Variants in GPR65 observed in about 807,000 individuals in gnomAD.
GPR65 encodes the protein G protein-coupled receptor 65, also known as T-cell death-associated gene 8 protein.
A neutral mutation model predicts 0.7 loss-of-function variants in GPR65; 2 were observed. The ratio of observed to expected loss-of-function variants is 2.83; its 90% CI spans 1.16 to 8.92. The LOEUF is 8.92. Ranked by LOEUF, GPR65 falls within the 30% of genes most tolerant of loss-of-function variation. GPR65 has a pLI of 0.04. For missense variants in GPR65, 379 were observed against 399.4 expected, an observed-to-expected ratio of 0.95 and a Z score of 0.43; for synonymous variants, 128 against 146.5, an observed-to-expected ratio of 0.87 and a Z score of 0.91.
At position 88,011,646 on chromosome 14, in the gene GPR65, C is replaced by T. The variant is rs749552917; in HGVS notation, c.799C>T (p.Arg267Ter). 3.1e-6 allele frequency: 5 copies of T among 1,613,528 alleles called. No homozygotes were observed. The South Asian group carries it at 3.3e-5, about 11-fold the overall frequency. The change falls in exon 2 of 2, where the codon CGA becomes TGA. Residue 267 changes from arginine (R) to a stop codon, truncating the protein, a stop_gained. Transcript: ENST00000267549. LOFTEE classifies it low-confidence loss of function (END_TRUNC). Reference protein sequence around the residue: ...NFEDHSNSGKRTYTMYRITVA... With the variant: ...NFEDHSNSGK ...CGAAGACCACAGCAATTCTGGGAAG[C>T]GAACTTACACAATGTATAGAATCAC...
At chr14:88,007,923 G>A (rs1264083889) in intron 1 of GPR65, among the ~76,000 whole-genome samples, 1 of 151,672 alleles carries the variant, frequency 6.6e-6, no homozygotes, top group African/African-American at 2.4e-5. Context: ...TCTTCCAGGA[G>A]CCTAGAATTT....
chr14:88,011,180 T>G lies in GPR65; in HGVS notation c.333T>G (p.Asp111Glu). 1.2e-6 allele frequency: 2 copies of G among 1,613,836 alleles called. No homozygotes were observed. The highest frequency in any genetic ancestry group is 8.5e-7 in the Non-Finnish European group (1 of 1,179,884). Residue 111 changes from aspartate (D) to glutamate (E), a missense_variant, in exon 2 of 2, where the codon GAT becomes GAG. Physicochemically the swap from Asp to Glu is conservative, Grantham distance 45. Coordinates refer to ENST00000267549, the MANE Select transcript of GPR65 (RefSeq NM_003608.4). ...CATTCCTCACCTGCATTGCCGTTGA[T>G]CGGTATTTGGCTGTTGTCTACCCTT... The part of the protein sequence containing the change: ...STAFLTCIAV[D>E]RYLAVVYPLK...
chr14:88,011,606 G>T lies in GPR65; in HGVS notation c.759G>T (p.Glu253Asp), dbSNP rs1887683023. ...HVMLLIRCIL[E>D]HAVNFEDHSN... is the part of the protein sequence containing the mutation. Reference sequence around the variant, plus strand: ...TGTTGCTGATTCGCTGCATTTTAGAGCATGCTGTGAACTTCGAAGACCACA... The same window carrying T: ...TGTTGCTGATTCGCTGCATTTTAGATCATGCTGTGAACTTCGAAGACCACA... Residue 253 changes from glutamate to aspartate, a missense_variant, in exon 2 of 2, where the codon GAG becomes GAT. Glu to Asp is a conservative substitution (Grantham distance 45, BLOSUM62 2). Transcript: ENST00000267549. The T allele has an allele frequency of 6.2e-7, 1 of 1,613,942 alleles. No individual in the cohort carries two copies. The highest frequency in any genetic ancestry group is 1.1e-5 in the South Asian group (1 of 91,074).
Position 88,014,048 on chromosome 14 carries a change from T to C in GPR65, c.*2187T>C, listed in dbSNP as rs1887729633. 3 of 152,150 alleles carry C rather than the reference T, an allele frequency of 2.0e-5. No individual in the cohort carries two copies. The highest frequency in any genetic ancestry group is 4.4e-5 in the Non-Finnish European group (3 of 68,030). The allele number at this position is 152,150 out of a possible 1,614,324, so 9.4% of individuals were successfully genotyped here. A position where few individuals can be genotyped will look rare whatever the true frequency, so the allele number is the denominator to read the frequency against. Reference sequence around the variant, plus strand: ...TGTCAACCAAGAAACAAGAAGTCCCTCCCAGGAACTGGAAATGAATGGGGA... The same window carrying C: ...TGTCAACCAAGAAACAAGAAGTCCCCCCCAGGAACTGGAAATGAATGGGGA... On this transcript the variant is annotated 3_prime_UTR_variant, in exon 2 of 2. Transcript: ENST00000267549.
chr14:88,011,518 T>C lies in GPR65; in HGVS notation c.671T>C (p.Ile224Thr). The C allele has an allele frequency of 6.2e-7, 1 of 1,613,752 alleles. No individual in the cohort carries two copies. The highest frequency in any genetic ancestry group is 2.2e-5 in the East Asian group (1 of 44,884). Residue 224 changes from isoleucine to threonine, a missense_variant, in exon 2 of 2, where the codon ATC (isoleucine) becomes ACC (threonine). By Grantham distance (89) the Ile-to-Thr change is moderately conservative. Transcript: ENST00000267549. Reference protein sequence around the residue: ...KATENKEKKRIIKLLVSITVT... With the variant: ...KATENKEKKRTIKLLVSITVT... ...ACGGAAAACAAGGAAAAGAAGAGAATCATAAAACTACTTGTCAGCATCACA... is the reference window on the plus strand; with the variant it reads ...ACGGAAAACAAGGAAAAGAAGAGAACCATAAAACTACTTGTCAGCATCACA...
rs1887667489 is a variant in GPR65, at chr14:88,010,933, T to G, written c.86T>G (p.Ile29Ser). Reference sequence around the variant, plus strand: ...TACATCTTTGTGATTATAGTCAGCATTCCAGCCAATATTGGATCTCTGTGT... The same window carrying G: ...TACATCTTTGTGATTATAGTCAGCAGTCCAGCCAATATTGGATCTCTGTGT... ...IVYIFVIIVS[I>S]PANIGSLCVS... is the part of the protein sequence containing the mutation. The change falls in exon 2 of 2, where the codon ATT (isoleucine) becomes AGT (serine). Residue 29 changes from isoleucine to serine, a missense_variant. By Grantham distance (142) the Ile-to-Ser change is moderately radical. Coordinates refer to ENST00000267549, the MANE Select transcript of GPR65 (RefSeq NM_003608.4). 1.9e-6 allele frequency: 3 copies of G among 1,612,256 alleles called. No homozygotes were observed. The highest frequency in any genetic ancestry group is 2.5e-6 in the Non-Finnish European group (3 of 1,178,440).
At chr14:88,009,561 T>C (rs948148440) in intron 1 of GPR65, among the ~76,000 whole-genome samples, 3 of 152,092 alleles carry the variant, frequency 2.0e-5, no homozygotes, top group Non-Finnish European at 4.4e-5. Flanking sequence ...TCTGTGAAGG[T>C]ATTCACCATG....
chr14:88,009,789 T>C (rs1278265579), intron 1 of GPR65, among the ~76,000 whole-genome samples: 1 of 152,144 alleles, frequency 6.6e-6, no homozygotes, highest in Non-Finnish European at 1.5e-5. Flanking sequence ...GTCCTCTCAT[T>C]TATAAAAGTA....
At chr14:88,005,449 T>C (rs1409599355) in intron 1 of GPR65, among the ~76,000 whole-genome samples, 2 of 152,076 alleles carry the variant, frequency 1.3e-5, no homozygotes, top group Non-Finnish European at 2.9e-5. Flanking sequence ...AAACCATAGA[T>C]ATAGAAAAAG....
chr14:88,006,410 G>T (rs937580783), intron 1 of GPR65, among the ~76,000 whole-genome samples: 9 of 152,084 alleles, frequency 5.9e-5, no homozygotes, highest in Non-Finnish European at 1.2e-4. Context: ...CTGTTGAGAG[G>T]CATTCGAATT....
At chr14:88,008,930 T>C (rs1887635301) in intron 1 of GPR65, among the ~76,000 whole-genome samples, 1 of 152,154 alleles carries the variant, frequency 6.6e-6, no homozygotes, top group Admixed American at 6.6e-5. Context: ...AGTTTCCAAG[T>C]GAGGACCCCA....
At position 88,011,859 on chromosome 14, in the gene GPR65, T is replaced by C. The variant is rs1340422947; in HGVS notation, c.1012T>C (p.Ter338GlnextTer30). 1 of 1,539,722 alleles carries C rather than the reference T, an allele frequency of 6.5e-7. No individual in the cohort carries two copies. The highest frequency in any genetic ancestry group is 8.7e-7 in the Non-Finnish European group (1 of 1,143,082). Residue 338 changes from the stop codon to glutamine (Q), a stop_lost, in exon 2 of 2, where the codon TAG becomes CAG. Transcript: ENST00000267549. ...KDTMELEVLE* is the reference protein window; with the variant it reads ...KDTMELEVLEQ ...TACTATGGAATTAGAGGTCCTTGAG[T>C]AGAACCAAGGATGTTTTGAAGGGAA...
At chr14:88,008,600 A>T (rs1229133758) in intron 1 of GPR65, among the ~76,000 whole-genome samples, 1 of 152,118 alleles carries the variant, frequency 6.6e-6, no homozygotes, top group African/African-American at 2.4e-5. Context: ...TGTTACTGTG[A>T]ATATTCTAAT....
chr14:88,013,231 G>C lies in GPR65; in HGVS notation c.*1370G>C, dbSNP rs1887715719. On this transcript the variant is annotated 3_prime_UTR_variant, in exon 2 of 2. Coordinates refer to ENST00000267549, the MANE Select transcript of GPR65 (RefSeq NM_003608.4). ...CCAGCTAATTTTTGTATTTTTAGTA[G>C]AGACGGGGTTTCACCATGTTGCACA... 1 of 151,982 alleles carries C rather than the reference G, an allele frequency of 6.6e-6. No individual in the cohort carries two copies. The highest frequency in any genetic ancestry group is 1.5e-5 in the Non-Finnish European group (1 of 68,054). The allele number at this position is 151,982 out of a possible 1,614,324, so 9.4% of individuals were successfully genotyped here.
In GPR65 at chr14:88,011,407, G is replaced by A. The variant is rs1165426991; in HGVS notation, c.560G>A (p.Arg187Lys). 3 of 1,614,058 alleles carry A rather than the reference G, an allele frequency of 1.9e-6. No homozygotes were observed. In the East Asian group the frequency reaches 6.7e-5, roughly 36 times the overall value. The change falls in exon 2 of 2, where the codon AGG (arginine) becomes AAG (lysine). Residue 187 changes from arginine (R) to lysine (K), a missense_variant. Transcript: ENST00000267549. ...TGGCAAATCAACCTCAACTTGTTCA[G>A]GACGTGTACAGGCTATGCAATACCT... ...EKWQINLNLFRTCTGYAIPLV... is the reference protein window; with the variant it reads ...EKWQINLNLFKTCTGYAIPLV...
intron 1 of GPR65, among the ~76,000 whole-genome samples, chr14:88,007,382 C>G (rs1274656945): frequency 2.0e-5 from 3 of 151,790 alleles, no homozygotes; most frequent in Non-Finnish European, 4.4e-5. Context: ...TATGTATATG[C>G]CACCCTTTTC....
intron 1 of GPR65, among the ~76,000 whole-genome samples, chr14:88,008,997 C>T (rs1887636007): frequency 6.6e-6 from 1 of 152,130 alleles, no homozygotes; most frequent in South Asian, 2.1e-4. Flanking sequence ...AGAAACCAAG[C>T]AGAGGCAGGG....
chr14:88,010,831 A>G lies in GPR65; in HGVS notation c.-17A>G. On this transcript the variant is annotated 5_prime_UTR_variant, in exon 2 of 2. Transcript: ENST00000267549. ...CTTTCTAAGAACTAATATAATTGCT[A>G]CCTTAAAAAGGAAAAAATGAACAGC... The G allele has an allele frequency of 1.3e-6, 2 of 1,571,614 alleles. No individual in the cohort carries two copies. The highest frequency in any genetic ancestry group is 2.2e-5 in the South Asian group (2 of 89,490).
In GPR65 at chr14:88,013,173, A is replaced by G. The variant is rs1270426668; in HGVS notation, c.*1312A>G. The stretch of plus-strand genomic sequence containing the variant: ...GCGATTCTCCTGCCTCAGCCTCCCA[A>G]GTAGCTGGGATTACAGGCACCCACC... On this transcript the variant is annotated 3_prime_UTR_variant, in exon 2 of 2. Coordinates refer to ENST00000267549, the MANE Select transcript of GPR65 (RefSeq NM_003608.4). 6.6e-6 allele frequency: 1 copy of G among 151,840 alleles called. No homozygotes were observed. The allele number at this position is 151,840 out of a possible 1,614,324, so 9.4% of individuals were successfully genotyped here.
Sources: gnomAD v4.1 joint callset for allele counts (sites outside exome capture counted in the v4.1 genomes callset) on GRCh38, gnomAD v4.1.1 for gene constraint, MANE v1.5 for transcripts, NCBI Gene and HGNC (gene_info 2026-07-23, HGNC 2026-07-21) for gene names.